The following PLCB1 variants were observed in gnomAD, a reference collection of about 807,000 sequenced individuals.
PLCB1 encodes the protein 1-phosphatidylinositol 4,5-bisphosphate phosphodiesterase beta-1.
A neutral mutation model predicts 161.8 loss-of-function variants in PLCB1; 46 were observed. The ratio of observed to expected loss-of-function variants is 0.28; its 90% CI spans 0.22 to 0.36. The LOEUF (loss-of-function observed/expected upper bound fraction) is 0.36, where lower values mean the gene tolerates loss of function less well. PLCB1 is among the 10% of genes least tolerant of loss of function. PLCB1 has a pLI of 1.00. For missense variants in PLCB1, 1,016 were observed against 1,472.5 expected (o/e 0.69, Z 5.07); for synonymous variants, 517 against 503.7 (o/e 1.03, Z -0.35).
At chr20:8,710,044 G>C (rs1322278670) in intron 12 of PLCB1, among the ~76,000 whole-genome samples, 3 of 152,184 alleles carry the variant, frequency 2.0e-5, no homozygotes, top group Admixed American at 2.0e-4. Flanking sequence ...CAATACGTAT[G>C]AGTCCATTCT....
intron 2 of PLCB1, among the ~76,000 whole-genome samples, chr20:8,332,874 T>A (rs576953512): frequency 6.6e-6 from 1 of 152,366 alleles, no homozygotes; most frequent in East Asian, 1.9e-4. Flanking sequence ...ATTAGAATCA[T>A]ACTTGCTTAA....
chr20:8,545,655 G>C (rs896251357), intron 3 of PLCB1, among the ~76,000 whole-genome samples: 1 of 152,146 alleles, frequency 6.6e-6, no homozygotes, highest in Non-Finnish European at 1.5e-5. Context: ...TCTGGATGTG[G>C]GAGGTGAGAA....
rs149403923 is a variant in PLCB1 at position 8,204,899 on chromosome 20, A to AT, written c.177+54536dup. On this transcript the variant is annotated intron_variant, in intron 2 of 31. Coordinates refer to ENST00000338037, the MANE Select transcript of PLCB1 (RefSeq NM_015192.4). ...TTAAATAATAGGGTTCCCTTTCATCATTTTTTTTCCTTGCCACTTATTTGA... is the reference window on the plus strand; with the variant it reads ...TTAAATAATAGGGTTCCCTTTCATCATTTTTTTTTCCTTGCCACTTATTTGA... Among the ~76,000 whole-genome samples, 872 of 151,588 alleles carry AT rather than the reference A, an allele frequency of 5.8e-3. 7 individuals carry two copies. The highest frequency in any genetic ancestry group is 0.02 in the African/African-American group (818 of 41,332).
At chr20:8,732,235 A>G (rs1980290371) in intron 18 of PLCB1, 1 of 152,078 alleles carries the variant, frequency 6.6e-6, no homozygotes, top group Non-Finnish European at 1.5e-5. Context: ...AAAGCAGGAA[A>G]AGGAATAATA....
In PLCB1 at chr20:8,789,557, G is replaced by A. The variant is rs778750402; in HGVS notation, c.3318G>A (p.Val1106=). The change falls in exon 30 of 32, where the codon GTG becomes GTA. Residue 1106 remains valine, a synonymous_variant. Coordinates refer to ENST00000338037, the MANE Select transcript of PLCB1 (RefSeq NM_015192.4). ...TGATCCGGTCATATATCCAGGAAGT[G>A]GTGCAGTATATCAAGAGGGTATGTG... ...TEMIRSYIQE[V]VQYIKRLEEA... is the part of the protein sequence containing the mutation. 15 of 1,611,928 alleles carry A rather than the reference G, an allele frequency of 9.3e-6. No individual in the cohort carries two copies. The South Asian group carries it at 1.6e-4, about 18-fold the overall frequency.
chr20:8,295,961 C>G (rs1008237893), intron 2 of PLCB1, among the ~76,000 whole-genome samples: 1 of 152,030 alleles, frequency 6.6e-6, no homozygotes, highest in East Asian at 1.9e-4. Flanking sequence ...AATCCTCCCA[C>G]CTCTACCTCC....
intron 2 of PLCB1, among the ~76,000 whole-genome samples, chr20:8,300,256 G>A (rs1393421390): frequency 6.6e-6 from 1 of 152,188 alleles, no homozygotes; most frequent in African/African-American, 2.4e-5. Context: ...CAATGCTCTG[G>A]TGTGTTACAT....
intron 3 of PLCB1, among the ~76,000 whole-genome samples, chr20:8,626,369 T>C (rs11906124): frequency 0.14 from 21,925 of 152,022 alleles, 1,578 homozygotes; most frequent in Middle Eastern, 0.21. Context: ...TTCCTTTATC[T>C]TAAGGATGAT....
At chr20:8,831,207 G>C (rs997186541) in intron 31 of PLCB1, 2 of 155,534 alleles carry the variant, frequency 1.3e-5, no homozygotes, top group Non-Finnish European at 2.9e-5. Flanking sequence ...ACACCCAGGA[G>C]GTCACTCTCT....
intron 3 of PLCB1, among the ~76,000 whole-genome samples, chr20:8,554,940 C>T (rs1019413506): frequency 7.9e-5 from 12 of 151,998 alleles, no homozygotes; most frequent in African/African-American, 2.2e-4. Flanking sequence ...CTCCAAAAAA[C>T]TGAAGATTCT....
chr20:8,509,689 CAGGT>C (rs1983788311), intron 3 of PLCB1, among the ~76,000 whole-genome samples: 1 of 151,598 alleles, frequency 6.6e-6, no homozygotes, highest in Admixed American at 6.6e-5. Context: ...AGATGGATAA[CAGGT>C]AGGTAGACAG....
chr20:8,546,893 A>G (rs1985572528), intron 3 of PLCB1, among the ~76,000 whole-genome samples: 1 of 151,832 alleles, frequency 6.6e-6, no homozygotes, highest in African/African-American at 2.4e-5. Flanking sequence ...TCTAAATATT[A>G]TCTTCTGGCA....
At chr20:8,691,994 A>T (rs1462990622) in intron 10 of PLCB1, among the ~76,000 whole-genome samples, 1 of 152,140 alleles carries the variant, frequency 6.6e-6, no homozygotes, top group African/African-American at 2.4e-5. Context: ...ATACTTGTGC[A>T]CCTCTTCATA....
chr20:8,793,636 T>C (rs1414235840), intron 31 of PLCB1, among the ~76,000 whole-genome samples: 1 of 152,032 alleles, frequency 6.6e-6, no homozygotes, highest in Non-Finnish European at 1.5e-5. Context: ...GACGAGTACT[T>C]AACAGGGTAA....
intron 3 of PLCB1, among the ~76,000 whole-genome samples, chr20:8,574,329 G>T (rs181225280): frequency 6.6e-6 from 1 of 152,126 alleles, no homozygotes; most frequent in Non-Finnish European, 1.5e-5. Context: ...AAGACAAGAG[G>T]CAGAGGTTGC....
chr20:8,814,832 A>G (rs1379980046), intron 31 of PLCB1, among the ~76,000 whole-genome samples: 2 of 152,198 alleles, frequency 1.3e-5, no homozygotes, highest in African/African-American at 4.8e-5. Context: ...TTTTGACATA[A>G]GTTGGACTGA....
chr20:8,705,913 A>C (rs1281242974), intron 11 of PLCB1, among the ~76,000 whole-genome samples: 1 of 152,248 alleles, frequency 6.6e-6, no homozygotes, highest in Admixed American at 6.5e-5. Context: ...GAAAGGAGCG[A>C]AACTGTCTAC....
intron 2 of PLCB1, among the ~76,000 whole-genome samples, chr20:8,293,613 G>GTT (rs34080704): frequency 6.7e-4 from 100 of 149,692 alleles, no homozygotes; most frequent in Non-Finnish European, 8.9e-4. Context: ...GACATAAGCA[G>GTT]TTTTTTTTTT....
At chr20:8,381,611 C>T (rs1169735637) in intron 3 of PLCB1, among the ~76,000 whole-genome samples, 1 of 152,172 alleles carries the variant, frequency 6.6e-6, no homozygotes, top group African/African-American at 2.4e-5. Flanking sequence ...ATTACTGCCT[C>T]AATTTCAGAA....
Sources: allele counts gnomAD v4.1 joint callset (sites outside exome capture counted in the v4.1 genomes callset), GRCh38; gene constraint gnomAD v4.1.1; transcripts MANE v1.5; gene names NCBI Gene and HGNC (gene_info 2026-07-23, HGNC 2026-07-21).